The following DGKG variants were observed in gnomAD, a reference collection of about 807,000 sequenced individuals.
DGKG encodes diacylglycerol kinase gamma.
A neutral mutation model predicts 105.3 loss-of-function variants in DGKG; 78 were observed. The ratio of observed to expected loss-of-function variants is 0.74; its 90% confidence interval spans 0.62 to 0.89. The LOEUF is 0.89. DGKG is among the 40% of genes least tolerant of loss of function. DGKG has a pLI of 0.00. For missense variants in DGKG, 958 were observed against 1,020.1 expected (o/e 0.94, Z 0.83); for synonymous variants, 346 against 367.1 (o/e 0.94, Z 0.66).
chr3:186,177,311 A>G (rs917879383), intron 22 of DGKG, among the ~76,000 whole-genome samples: 1 of 152,216 alleles, frequency 6.6e-6, no homozygotes, highest in African/African-American at 2.4e-5. Context: ...TCTGGGTTTC[A>G]GTGCCCAGCC....
intron 5 of DGKG, among the ~76,000 whole-genome samples, chr3:186,289,754 G>A (rs137863998): frequency 5.9e-5 from 9 of 152,320 alleles, no homozygotes; most frequent in African/African-American, 1.9e-4. Flanking sequence ...AATGTTTTAG[G>A]TGTTGTTATA....
intron 24 of DGKG, chr3:186,160,430 C>T (rs577111037): frequency 1.7e-5 from 17 of 985,168 alleles, no homozygotes; most frequent in East Asian, 1.1e-4. Flanking sequence ...TCCCTCTATG[C>T]GTCCTAACTC....
chr3:186,273,400 G>C (rs1244517882), intron 10 of DGKG, among the ~76,000 whole-genome samples: 5 of 97,088 alleles, frequency 5.1e-5, no homozygotes, highest in Admixed American at 4.9e-4. Flanking sequence ...TTTTGAGATA[G>C]AATCTCACCC....
chr3:186,258,070 G>A (rs567101437), intron 16 of DGKG, 131 bp from the exon 17 acceptor site: 58 of 698,784 alleles, frequency 8.3e-5, no homozygotes, highest in Middle Eastern at 2.5e-4. Flanking sequence ...GGTTGAAAGG[G>A]TCACTCAATG....
chr3:186,285,439 A>G (rs2108599910), intron 6 of DGKG, among the ~76,000 whole-genome samples: 1 of 152,310 alleles, frequency 6.6e-6, no homozygotes, highest in African/African-American at 2.4e-5. Flanking sequence ...TTCTAAAGGT[A>G]TTCGGAAATA....
At chr3:186,178,712 C>T (rs190296084) in intron 22 of DGKG, among the ~76,000 whole-genome samples, 44 of 152,264 alleles carry the variant, frequency 2.9e-4, no homozygotes, top group Non-Finnish European at 5.3e-4. Flanking sequence ...TTCATTCAGA[C>T]GTCAGCTGAG....
intron 1 of DGKG, among the ~76,000 whole-genome samples, chr3:186,325,518 C>A (rs1411377149): frequency 6.6e-6 from 1 of 152,090 alleles, no homozygotes; most frequent in Admixed American, 6.5e-5. Flanking sequence ...TGCTCATCAA[C>A]CCTTATCCAC....
rs530168133 is a variant in DGKG at position 186,170,298 on chromosome 3, T to G, written c.2096-5280A>C. Among the ~76,000 whole-genome samples the G allele has an allele frequency of 9.8e-5, 15 of 152,330 alleles. No individual in the cohort carries two copies. In the East Asian group the frequency reaches 1.2e-3, roughly 12 times the overall value. The stretch of plus-strand genomic sequence containing the variant: ...TTTGGGAACCACTGGGCTAAGTTAT[T>G]GGGTGGATCATTCCCATTGGTCAGT... On this transcript the variant is annotated intron_variant, in intron 22 of 24. Transcript: ENST00000265022.
At chr3:186,190,732 C>T (rs1055533354) in intron 21 of DGKG, among the ~76,000 whole-genome samples, 1 of 152,148 alleles carries the variant, frequency 6.6e-6, no homozygotes, top group Admixed American at 6.5e-5. Flanking sequence ...GCTCTCAGCC[C>T]GTGTTTCCTC....
chr3:186,153,908 C>A (rs1715895585), intron 24 of DGKG, among the ~76,000 whole-genome samples: 3 of 152,240 alleles, frequency 2.0e-5, no homozygotes, highest in East Asian at 3.9e-4. Context: ...AGTTCAAGAC[C>A]AGCCTGGGGA....
intron 24 of DGKG, chr3:186,160,928 C>A: frequency 1.0e-6 from 1 of 985,432 alleles, no homozygotes; most frequent in Non-Finnish European, 1.2e-6. Context: ...TTTGTTAGTT[C>A]ATTTGTTCAG....
chr3:186,347,190 C>CG (rs1418744131), intron 1 of DGKG, among the ~76,000 whole-genome samples: 1 of 151,870 alleles, frequency 6.6e-6, no homozygotes, highest in Non-Finnish European at 1.5e-5. Flanking sequence ...GGCTCACCCC[C>CG]GTAATCCTAG....
intron 5 of DGKG, among the ~76,000 whole-genome samples, chr3:186,296,311 C>T (rs752209359): frequency 3.3e-5 from 5 of 152,184 alleles, no homozygotes; most frequent in Non-Finnish European, 7.3e-5. Context: ...AACATGCCCA[C>T]GGTTACAGAG....
At chr3:186,260,236 C>T (rs1375680115) in intron 16 of DGKG, among the ~76,000 whole-genome samples, 1 of 152,178 alleles carries the variant, frequency 6.6e-6, no homozygotes, top group Non-Finnish European at 1.5e-5. Flanking sequence ...GAGGCCACTT[C>T]TCAAACAGAG....
chr3:186,218,467 G>A (rs1719408532), intron 20 of DGKG, among the ~76,000 whole-genome samples: 1 of 124,462 alleles, frequency 8.0e-6, no homozygotes, highest in Non-Finnish European at 1.6e-5. Flanking sequence ...TCGCGCCACT[G>A]CACTCCAGCC....
chr3:186,299,814 T>TTTCTTTC (rs1560141902), intron 3 of DGKG, among the ~76,000 whole-genome samples: 2 of 105,740 alleles, frequency 1.9e-5, no homozygotes, highest in African/African-American at 3.6e-5. Context: ...TCTTTCTTTC[T>TTTCTTTC]TTCTTTCTTT....
intron 1 of DGKG, among the ~76,000 whole-genome samples, chr3:186,342,456 C>A (rs1299796057): frequency 6.6e-6 from 1 of 152,198 alleles, no homozygotes; most frequent in Non-Finnish European, 1.5e-5. Context: ...CCCTTTTCAG[C>A]TAAAAATAGC....
At chr3:186,291,054 T>C (rs1723290551) in intron 5 of DGKG, among the ~76,000 whole-genome samples, 1 of 152,186 alleles carries the variant, frequency 6.6e-6, no homozygotes, top group African/African-American at 2.4e-5. Flanking sequence ...CCAGTGAAGC[T>C]TAAAAGATAG....
intron 9 of DGKG, 116 bp from the exon 10 acceptor site, chr3:186,275,780 A>C: frequency 1.5e-6 from 1 of 646,616 alleles, no homozygotes; most frequent in South Asian, 2.7e-5. Flanking sequence ...AGTTATTGAT[A>C]TTTTTTACTG....
Sources: gnomAD v4.1 joint callset for allele counts (sites outside exome capture counted in the v4.1 genomes callset) on GRCh38, gnomAD v4.1.1 for gene constraint, MANE v1.5 for transcripts, NCBI Gene and HGNC (gene_info 2026-07-23, HGNC 2026-07-21) for gene names.